TTC28: variants seen among roughly 807,000 people sequenced by gnomAD.
The protein encoded by TTC28 is tetratricopeptide repeat protein 28.
TTC28 carries 61 observed loss-of-function variants against 198.0 expected under a neutral mutation model. The observed-to-expected ratio is 0.31, with a 90% CI of 0.25 to 0.38. The LOEUF (loss-of-function observed/expected upper bound fraction) is 0.38. Ranked by LOEUF, TTC28 falls within the 10% of genes least tolerant of loss-of-function variation. TTC28 has a pLI of 1.00. For synonymous variants in TTC28, 1,171 were observed against 1,297.8 expected (o/e 0.90, Z 2.10); for missense variants, 2,678 against 3,164.0 (o/e 0.85, Z 3.69).
chr22:28,200,160 C>T (rs1601465086), intron 5 of TTC28, among the ~76,000 whole-genome samples: 1 of 152,092 alleles, frequency 6.6e-6, no homozygotes, highest in East Asian at 1.9e-4. Flanking sequence ...GTGATCATAG[C>T]GTACTACAGA....
intron 12 of TTC28, among the ~76,000 whole-genome samples, chr22:28,033,824 G>A (rs2146645239): frequency 6.6e-6 from 1 of 152,302 alleles, no homozygotes; most frequent in Non-Finnish European, 1.5e-5. Flanking sequence ...CAAAAACTCA[G>A]TGTGCAACCA....
intron 6 of TTC28, among the ~76,000 whole-genome samples, chr22:28,144,011 G>C (rs1943402394): frequency 6.6e-6 from 1 of 151,946 alleles, no homozygotes; most frequent in Non-Finnish European, 1.5e-5. Flanking sequence ...AGAAGGAAAA[G>C]AGCCTAGTGG....
intron 2 of TTC28, among the ~76,000 whole-genome samples, chr22:28,325,208 G>A (rs377197627): frequency 6.6e-6 from 1 of 152,086 alleles, no homozygotes. Context: ...TCTTGGGAGG[G>A]TGTATGTGTT....
At chr22:28,263,650 T>A (rs1042412241) in intron 5 of TTC28, among the ~76,000 whole-genome samples, 4 of 152,248 alleles carry the variant, frequency 2.6e-5, no homozygotes, top group African/African-American at 9.6e-5. Flanking sequence ...AGTATAGTAT[T>A]GTGCATTTTT....
At chr22:28,559,110 G>T (rs773647144) in intron 2 of TTC28, among the ~76,000 whole-genome samples, 8 of 152,004 alleles carry the variant, frequency 5.3e-5, no homozygotes, top group Non-Finnish European at 1.2e-4. Context: ...GATATGTAGA[G>T]GGCCTGCTCA....
At chr22:28,549,744 T>A (rs1431743436) in intron 2 of TTC28, among the ~76,000 whole-genome samples, 2 of 152,218 alleles carry the variant, frequency 1.3e-5, no homozygotes, top group African/African-American at 2.4e-5. Flanking sequence ...GGTTATATAC[T>A]TTTTACAGTT....
chr22:28,455,431 T>C (rs970929397), intron 2 of TTC28, among the ~76,000 whole-genome samples: 20 of 152,154 alleles, frequency 1.3e-4, no homozygotes, highest in Non-Finnish European at 2.9e-5. Flanking sequence ...AAGAGCATCA[T>C]GGCCAGGTGT....
intron 5 of TTC28, among the ~76,000 whole-genome samples, chr22:28,277,975 A>AG (rs1041061209): frequency 4.4e-4 from 67 of 152,272 alleles, no homozygotes; most frequent in African/African-American, 1.6e-3. Flanking sequence ...TAGTATCTTT[A>AG]GGAACAATAC....
rs530230516 is a variant in TTC28 at position 27,998,901 on chromosome 22, C to T, written c.4758G>A (p.Gln1586=). The T allele has an allele frequency of 6.4e-7, 1 of 1,550,606 alleles. No homozygotes were observed. The highest frequency in any genetic ancestry group is 2.0e-5 in the Admixed American group (1 of 51,006). Residue 1586 remains glutamine (Q), a synonymous_variant, in exon 16 of 23, where the codon CAG becomes CAA. Coordinates refer to ENST00000397906, the MANE Select transcript of TTC28 (RefSeq NM_001145418.2). ...TGCTCTCCCCATCACTGGCATCGTC[C>T]TGCACCCGCAAGGACTCAGGGATCG... The part of the protein sequence containing the change: ...PYTIPESLRV[Q]DDASDGESIS...
chr22:28,261,394 C>A (rs1179743283), intron 5 of TTC28, among the ~76,000 whole-genome samples: 1 of 151,990 alleles, frequency 6.6e-6, no homozygotes, highest in African/African-American at 2.4e-5. Context: ...AATGAGAAAG[C>A]CCAAGCATGG....
At chr22:28,551,893 G>GA (rs1287393895) in intron 2 of TTC28, among the ~76,000 whole-genome samples, 2 of 151,978 alleles carry the variant, frequency 1.3e-5, no homozygotes, top group Admixed American at 1.3e-4. Context: ...TCAGACAAGA[G>GA]AAAAAAATAA....
In TTC28 at chr22:28,404,174, C is replaced by G. The variant is rs1328540347; in HGVS notation, c.382-97531G>C. ...TTGCTCTGTTGCCCAGGTTGGAGTG[C>G]AGTGGCACCATCTCGGCTCATTGCA... On this transcript the variant is annotated intron_variant, in intron 2 of 22. Transcript: ENST00000397906. Among the ~76,000 whole-genome samples, 4 of 152,264 alleles carry G rather than the reference C, an allele frequency of 2.6e-5. No individual in the cohort carries two copies. The East Asian group carries it at 7.7e-4, about 29-fold the overall frequency.
intron 12 of TTC28, among the ~76,000 whole-genome samples, chr22:28,086,587 C>A (rs1251459402): frequency 1.3e-5 from 2 of 152,110 alleles, no homozygotes; most frequent in Non-Finnish European, 2.9e-5. Context: ...GACACCCTAA[C>A]ATCACAATTA....
At chr22:28,021,913 C>T (rs1019460667) in intron 13 of TTC28, among the ~76,000 whole-genome samples, 2 of 152,194 alleles carry the variant, frequency 1.3e-5, no homozygotes, top group African/African-American at 2.4e-5. Flanking sequence ...TTCTAGAGTA[C>T]GGACATGGAA....
chr22:28,501,051 T>G (rs1269636799), intron 2 of TTC28, among the ~76,000 whole-genome samples: 1 of 152,162 alleles, frequency 6.6e-6, no homozygotes, highest in Non-Finnish European at 1.5e-5. Context: ...ATTCCTCAGT[T>G]TCTCTTTCTA....
intron 5 of TTC28, among the ~76,000 whole-genome samples, chr22:28,269,433 A>G (rs1931904331): frequency 1.3e-5 from 2 of 152,048 alleles, no homozygotes; most frequent in East Asian, 1.9e-4. Flanking sequence ...ATTTTTGTAC[A>G]TTGCCCACTC....
intron 2 of TTC28, among the ~76,000 whole-genome samples, chr22:28,332,715 C>T (rs1362433192): frequency 6.6e-6 from 1 of 152,024 alleles, no homozygotes; most frequent in Non-Finnish European, 1.5e-5. Context: ...CATTTAAATG[C>T]CTAATTAATC....
At chr22:28,197,164 C>T (rs899551637) in intron 5 of TTC28, among the ~76,000 whole-genome samples, 31 of 150,624 alleles carry the variant, frequency 2.1e-4, no homozygotes, top group Middle Eastern at 3.3e-3. Flanking sequence ...AGCAAACTAT[C>T]GCAAGGACAA....
Position 27,999,413 on chromosome 22 carries a change from A to G in TTC28, c.4399-153T>C, listed in dbSNP as rs1385868465. On this transcript the variant is annotated intron_variant, in intron 15 of 22. Coordinates refer to ENST00000397906, the MANE Select transcript of TTC28 (RefSeq NM_001145418.2). ...TCACCACATTCACTCTTATTTTTCA[A>G]CATCTTTTTGACACAGGTGCCTAAC... The G allele has an allele frequency of 2.5e-6, 3 of 1,203,332 alleles. No homozygotes were observed. In the East Asian group the frequency reaches 7.7e-5, roughly 31 times the overall value. The allele number at this position is 1,203,332 out of a possible 1,614,324, so 74.5% of individuals were successfully genotyped here. A position where few individuals can be genotyped will look rare whatever the true frequency, so the allele number is the denominator to read the frequency against.
Sources: allele counts gnomAD v4.1 joint callset (sites outside exome capture counted in the v4.1 genomes callset), GRCh38; gene constraint gnomAD v4.1.1; transcripts MANE v1.5; gene names NCBI Gene and HGNC (gene_info 2026-07-23, HGNC 2026-07-21).